SLC8A2: variants seen among roughly 807,000 people sequenced by gnomAD.
SLC8A2 encodes the protein solute carrier family 8 member A2.
Under a neutral mutation model 70.2 loss-of-function variants are expected in SLC8A2, and 14 were observed. The ratio of observed to expected loss-of-function variants is 0.20; its 90% CI spans 0.13 to 0.31. SLC8A2 has a LOEUF of 0.31. Among genes scored for constraint, SLC8A2 ranks in the 10% least tolerant of loss-of-function variants. The pLI is 1.00. For missense variants in SLC8A2, 779 were observed against 1,320.1 expected (o/e 0.59, Z 6.35); for synonymous variants, 575 against 594.3 (o/e 0.97, Z 0.47).
At position 47,437,433 on chromosome 19, in the gene SLC8A2, T is replaced by C. The variant is rs904672757; in HGVS notation, c.2110+29A>G. On this transcript the variant is annotated intron_variant, in intron 8 of 9. Transcript: ENST00000236877. The stretch of plus-strand genomic sequence containing the variant: ...CTGTGTCTCTGTCTCTCCATCTTTC[T>C]CTCTTCTCTCTCCTCCCTCCCCACT... 4 of 1,384,818 alleles carry C rather than the reference T, an allele frequency of 2.9e-6. No homozygotes were observed. In the African/African-American group the frequency reaches 5.7e-5, roughly 20 times the overall value. The allele number at this position is 1,384,818 out of a possible 1,614,324, so 85.8% of individuals were successfully genotyped here.
At chr19:47,442,244 T>C (rs1330670179) in intron 4 of SLC8A2, among the ~76,000 whole-genome samples, 1 of 152,194 alleles carries the variant, frequency 6.6e-6, no homozygotes, top group Admixed American at 6.5e-5. Flanking sequence ...AGATTACTAG[T>C]TGCCTGCTAA....
chr19:47,454,325 C>T (rs1346366458), intron 3 of SLC8A2, among the ~76,000 whole-genome samples: 6 of 152,090 alleles, frequency 3.9e-5, no homozygotes, highest in Non-Finnish European at 8.8e-5. Flanking sequence ...TGAAAGCAGG[C>T]CCCAATATGG....
intron 6 of SLC8A2, among the ~76,000 whole-genome samples, chr19:47,439,774 C>G (rs1967078137): frequency 6.6e-6 from 1 of 152,044 alleles, no homozygotes; most frequent in Admixed American, 6.6e-5. Flanking sequence ...AGTGATTCTC[C>G]TGCCTTAGGC....
rs1966903242 is a variant in SLC8A2, at chr19:47,428,469, T to G, written c.*1620A>C. 6.8e-6 allele frequency: 1 copy of G among 147,734 alleles called. No individual in the cohort carries two copies. Among genetic ancestry groups the G allele is most frequent in the African/African-American group, 2.5e-5 (1 of 39,664 alleles). 9.2% of individuals were successfully genotyped at this position (147,734 alleles called of 1,614,324 possible). A position where few individuals can be genotyped will look rare whatever the true frequency, so the allele number is the denominator to read the frequency against. On this transcript the variant is annotated 3_prime_UTR_variant, in exon 10 of 10. Coordinates refer to ENST00000236877, the MANE Select transcript of SLC8A2 (RefSeq NM_015063.3). ...GGATGGGGGCGTGGCTAGTGGAAGCTCATTACTGATGGGGGCGTGGCGAGT... is the reference window on the plus strand; with the variant it reads ...GGATGGGGGCGTGGCTAGTGGAAGCGCATTACTGATGGGGGCGTGGCGAGT...
intron 4 of SLC8A2, among the ~76,000 whole-genome samples, chr19:47,444,369 C>A (rs187194801): frequency 3.2e-4 from 49 of 152,350 alleles, no homozygotes; most frequent in African/African-American, 1.1e-3. Flanking sequence ...CAAGGACAGG[C>A]GCACACAAGA....
intron 7 of SLC8A2, 98 bp downstream of exon 7, chr19:47,437,751 G>T: frequency 6.8e-7 from 1 of 1,467,370 alleles, no homozygotes; most frequent in Non-Finnish European, 9.5e-7. Context: ...CCCTTCTTTG[G>T]CTTGATCTTA....
intron 3 of SLC8A2, 129 bp downstream of exon 3, chr19:47,456,801 A>G (rs1967308652): frequency 1.0e-6 from 1 of 972,684 alleles, no homozygotes; most frequent in African/African-American, 1.7e-5. Flanking sequence ...TCAGGAATGA[A>G]TGAATGAACA....
intron 2 of SLC8A2, among the ~76,000 whole-genome samples, chr19:47,461,509 G>A (rs966557752): frequency 6.6e-6 from 1 of 151,936 alleles, no homozygotes; most frequent in Admixed American, 6.6e-5. Context: ...ACTCCATCTC[G>A]AAAAAAAGAA....
chr19:47,459,997 C>A (rs1212962027), intron 2 of SLC8A2, among the ~76,000 whole-genome samples: 1 of 152,098 alleles, frequency 6.6e-6, no homozygotes, highest in African/African-American at 2.4e-5. Flanking sequence ...CTTCTGGCCT[C>A]TCTCTCCCTC....
Position 47,465,360 on chromosome 19 carries a change from A to G in SLC8A2, c.675+369T>C, listed in dbSNP as rs2122653016. ...CATGTGAACATACGTAGCATGCATT[A>G]CACAGATCACAGGGGCTCCGTTAGT... On this transcript the variant is annotated intron_variant, in intron 2 of 9. Transcript: ENST00000236877. The surrounding 1 kb of genome is among the most constrained non-coding windows in gnomAD (Gnocchi z 5.5). Among the ~76,000 whole-genome samples the G allele has an allele frequency of 6.6e-6, 1 of 152,368 alleles. No individual in the cohort carries two copies. Among genetic ancestry groups the G allele is most frequent in the South Asian group, 2.1e-4 (1 of 4,830 alleles).
At chr19:47,439,242 G>A (rs530043808) in intron 6 of SLC8A2, among the ~76,000 whole-genome samples, 2 of 152,284 alleles carry the variant, frequency 1.3e-5, no homozygotes, top group African/African-American at 4.8e-5. Flanking sequence ...AACTTTGCCT[G>A]AGAGGCCAGG....
intron 4 of SLC8A2, among the ~76,000 whole-genome samples, chr19:47,443,927 G>A (rs1469481014): frequency 4.6e-5 from 7 of 151,774 alleles, no homozygotes; most frequent in African/African-American, 1.2e-4. Flanking sequence ...ACAAAGTCTC[G>A]CTCTGTTGCC....
intron 1 of SLC8A2, among the ~76,000 whole-genome samples, chr19:47,470,112 G>A (rs1284547790): frequency 6.6e-6 from 1 of 152,182 alleles, no homozygotes; most frequent in Non-Finnish European, 1.5e-5. Flanking sequence ...TTCTAAACAT[G>A]CACATTTACT....
In SLC8A2 at chr19:47,466,527, A is replaced by G. The variant is rs964344189; in HGVS notation, c.-16-108T>C. On this transcript the variant is annotated intron_variant, in intron 1 of 9. Coordinates refer to ENST00000236877, the MANE Select transcript of SLC8A2 (RefSeq NM_015063.3). This position sits in a 1 kb window ranked among gnomAD's most constrained non-coding sequence, Gnocchi z 6.9. ...GGGTTGGGGGAGAAGCTGAGGACCAATGCAGGCAGGATGGGGACTGAGGGC... is the reference window on the plus strand; with the variant it reads ...GGGTTGGGGGAGAAGCTGAGGACCAGTGCAGGCAGGATGGGGACTGAGGGC... 2 of 575,332 alleles carry G rather than the reference A, an allele frequency of 3.5e-6. No homozygotes were observed. Among genetic ancestry groups the G allele is most frequent in the African/African-American group, 1.9e-5 (1 of 53,404 alleles). The allele number at this position is 575,332 out of a possible 1,614,324, so 35.6% of individuals were successfully genotyped here. A position where few individuals can be genotyped will look rare whatever the true frequency, so the allele number is the denominator to read the frequency against.
intron 6 of SLC8A2, among the ~76,000 whole-genome samples, chr19:47,438,752 T>G (rs1967062523): frequency 6.6e-6 from 1 of 152,094 alleles, no homozygotes; most frequent in African/African-American, 2.4e-5. Context: ...CCCTAAACCC[T>G]AATCCCGACT....
chr19:47,452,443 A>AGT (rs1568444573), intron 3 of SLC8A2, among the ~76,000 whole-genome samples: 20 of 55,782 alleles, frequency 3.6e-4, no homozygotes, highest in African/African-American at 1.4e-3. Flanking sequence ...AGAGAGAGAG[A>AGT]GAGTGTGTGT....
intron 4 of SLC8A2, among the ~76,000 whole-genome samples, chr19:47,443,487 C>T (rs571522642): frequency 6.6e-6 from 1 of 152,216 alleles, no homozygotes; most frequent in African/African-American, 2.4e-5. Context: ...CACACAGTCA[C>T]CCAATCGAGG....
chr19:47,438,401 C>G lies in SLC8A2; in HGVS notation c.1886-428G>C, dbSNP rs186221780. Reference sequence around the variant, plus strand: ...CATGTTACTATCTTTATTATTATCACCAACATTATCATCATCGTTGCCACC... The same window carrying G: ...CATGTTACTATCTTTATTATTATCAGCAACATTATCATCATCGTTGCCACC... On this transcript the variant is annotated intron_variant, in intron 6 of 9. Coordinates refer to ENST00000236877, the MANE Select transcript of SLC8A2 (RefSeq NM_015063.3). 3.0e-4 allele frequency among the ~76,000 whole-genome samples: 46 copies of G among 152,242 alleles called. No individual in the cohort carries two copies. In the East Asian group the frequency reaches 7.3e-3, roughly 24 times the overall value.
intron 1 of SLC8A2, 101 bp downstream of exon 1, chr19:47,471,688 G>C (rs1221836766): frequency 6.6e-6 from 1 of 152,100 alleles, no homozygotes; most frequent in Non-Finnish European, 1.5e-5. Flanking sequence ...AACCAGCCCA[G>C]GGAAGCCAGC....
Sources: allele counts gnomAD v4.1 joint callset (sites outside exome capture counted in the v4.1 genomes callset), GRCh38; gene constraint gnomAD v4.1.1; non-coding constraint Gnocchi (gnomAD v3.1); transcripts MANE v1.5; gene names NCBI Gene and HGNC (gene_info 2026-07-23, HGNC 2026-07-21).